ASCC3: variants seen among roughly 807,000 people sequenced by gnomAD.
The protein encoded by ASCC3 is ASC-1 complex subunit P200.
ASCC3 carries 158 observed loss-of-function variants against 256.3 expected under a neutral mutation model. The ratio of observed to expected loss-of-function variants is 0.62; its 90% CI spans 0.54 to 0.70. The LOEUF (loss-of-function observed/expected upper bound fraction) is 0.70, where lower values mean the gene tolerates loss of function less well. Ranked by LOEUF, ASCC3 falls within the 30% of genes least tolerant of loss-of-function variation. The probability of loss-of-function intolerance (pLI) is 0.00; values close to 1 mark genes in which losing one functional copy is unlikely to be tolerated. For synonymous variants in ASCC3, 948 were observed against 883.4 expected (o/e 1.07, Z -1.30); for missense variants, 2,259 against 2,626.0 (o/e 0.86, Z 3.05).
intron 12 of ASCC3, among the ~76,000 whole-genome samples, chr6:100,716,855 C>T (rs1195288838): frequency 1.3e-5 from 2 of 151,924 alleles, no homozygotes; most frequent in East Asian, 1.9e-4. Flanking sequence ...TGTGAAACAA[C>T]TGTCTTCTCT....
intron 14 of ASCC3, among the ~76,000 whole-genome samples, chr6:100,666,278 T>A (rs1452869819): frequency 6.6e-6 from 1 of 152,212 alleles, no homozygotes; most frequent in Non-Finnish European, 1.5e-5. Context: ...AGAACATTTA[T>A]AAACATTCAT....
chr6:100,529,987 ATT>A (rs67303856), intron 37 of ASCC3, among the ~76,000 whole-genome samples: 2 of 145,568 alleles, frequency 1.4e-5, no homozygotes, highest in African/African-American at 5.0e-5. Context: ...TTAAATCGTG[ATT>A]TTTTTTTTTT....
At chr6:100,763,795 C>T (rs1482704148) in intron 10 of ASCC3, among the ~76,000 whole-genome samples, 6 of 152,120 alleles carry the variant, frequency 3.9e-5, no homozygotes, top group African/African-American at 1.2e-4. Context: ...AAATGTCCCC[C>T]GCTTATTGGG....
chr6:100,551,610 A>T (rs978073484), intron 36 of ASCC3, among the ~76,000 whole-genome samples: 5 of 152,014 alleles, frequency 3.3e-5, no homozygotes, highest in Non-Finnish European at 5.9e-5. Context: ...AAAAGTGTCT[A>T]CACTGATTTT....
chr6:100,617,855 C>T (rs1307122831), intron 30 of ASCC3, among the ~76,000 whole-genome samples: 1 of 152,190 alleles, frequency 6.6e-6, no homozygotes, highest in Non-Finnish European at 1.5e-5. Context: ...CAGGGCCTGC[C>T]CTCTGTTTCT....
intron 1 of ASCC3, among the ~76,000 whole-genome samples, chr6:100,873,332 A>G (rs1055884611): frequency 1.2e-4 from 19 of 152,214 alleles, no homozygotes; most frequent in African/African-American, 4.3e-4. Context: ...GGCAAATAAA[A>G]AAGAATAAGA....
chr6:100,854,156 T>C (rs1772825177), intron 3 of ASCC3, among the ~76,000 whole-genome samples: 2 of 146,204 alleles, frequency 1.4e-5, no homozygotes, highest in South Asian at 4.3e-4. Flanking sequence ...GCCAGGTACT[T>C]TTTTTTTTTT....
chr6:100,604,716 T>C (rs957789083), intron 33 of ASCC3, among the ~76,000 whole-genome samples: 1 of 152,070 alleles, frequency 6.6e-6, no homozygotes, highest in African/African-American at 2.4e-5. Context: ...GTGCTAGGAT[T>C]ACAGGTGAGA....
chr6:100,764,461 C>T (rs1288872155), intron 10 of ASCC3, among the ~76,000 whole-genome samples: 1 of 152,044 alleles, frequency 6.6e-6, no homozygotes, highest in Admixed American at 6.6e-5. Context: ...GCAAAAATGG[C>T]CTGACTATAG....
intron 8 of ASCC3, among the ~76,000 whole-genome samples, chr6:100,780,196 C>T (rs1158098973): frequency 1.3e-5 from 2 of 152,014 alleles, no homozygotes; most frequent in Admixed American, 6.6e-5. Flanking sequence ...GTGTATGTTA[C>T]ACTTAAAGCA....
chr6:100,622,953 T>C (rs1372800370), intron 30 of ASCC3, among the ~76,000 whole-genome samples: 2 of 152,110 alleles, frequency 1.3e-5, no homozygotes, highest in African/African-American at 4.8e-5. Flanking sequence ...ACAATGTCTA[T>C]ATACTTTAAG....
rs369397234 is a variant in ASCC3 at position 100,580,577 on chromosome 6, TTTA to T, written c.5550+9054_5550+9056del. Among the ~76,000 whole-genome samples, 297 of 151,044 alleles carry T rather than the reference TTTA, an allele frequency of 2.0e-3. 10 individuals carry two copies. The East Asian group carries it at 0.045, about 23-fold the overall frequency. On this transcript the variant is annotated intron_variant, in intron 36 of 41. Coordinates refer to ENST00000369162, the MANE Select transcript of ASCC3 (RefSeq NM_006828.4). Reference sequence around the variant, plus strand: ...TTCAGAAGACCCAAAATAAAAATCTTTTATTATTATTATTATTATTATACTTTA... The same window carrying T: ...TTCAGAAGACCCAAAATAAAAATCTTTTATTATTATTATTATTATACTTTA...
intron 4 of ASCC3, among the ~76,000 whole-genome samples, chr6:100,807,855 T>A (rs1161884287): frequency 2.0e-5 from 3 of 151,916 alleles, no homozygotes; most frequent in Non-Finnish European, 4.4e-5. Context: ...TGTATAAAAG[T>A]ATTTTGTAAA....
At chr6:100,828,725 T>C (rs1257882941) in intron 4 of ASCC3, among the ~76,000 whole-genome samples, 2 of 152,102 alleles carry the variant, frequency 1.3e-5, no homozygotes, top group African/African-American at 4.8e-5. Context: ...GGAGTGAAGC[T>C]GCAGACCTTT....
At chr6:100,592,141 A>C (rs1582515649) in intron 34 of ASCC3, among the ~76,000 whole-genome samples, 1 of 120,558 alleles carries the variant, frequency 8.3e-6, no homozygotes, top group Non-Finnish European at 1.7e-5. Flanking sequence ...GTAAGTCACC[A>C]AAAAAAAAAA....
intron 36 of ASCC3, among the ~76,000 whole-genome samples, chr6:100,542,228 C>T (rs1038351132): frequency 6.6e-6 from 1 of 152,156 alleles, no homozygotes; most frequent in African/African-American, 2.4e-5. Context: ...TAATTCATCA[C>T]TACTGAATTG....
At chr6:100,723,499 T>C (rs964059320) in intron 11 of ASCC3, among the ~76,000 whole-genome samples, 9 of 151,754 alleles carry the variant, frequency 5.9e-5, no homozygotes, top group African/African-American at 2.2e-4. Context: ...TAGAATTTTA[T>C]GGTGAATTTA....
At chr6:100,820,060 A>G (rs2114418527) in intron 4 of ASCC3, among the ~76,000 whole-genome samples, 1 of 152,368 alleles carries the variant, frequency 6.6e-6, no homozygotes, top group Non-Finnish European at 1.5e-5. Flanking sequence ...TACTGCTAGG[A>G]TCATAATAAA....
chr6:100,800,944 G>A (rs916084159), intron 5 of ASCC3, among the ~76,000 whole-genome samples: 5 of 151,912 alleles, frequency 3.3e-5, no homozygotes, highest in African/African-American at 9.7e-5. Flanking sequence ...ACCTTATGCG[G>A]TTAAGTTGCA....
Sources: allele counts gnomAD v4.1 joint callset (sites outside exome capture counted in the v4.1 genomes callset), GRCh38; gene constraint gnomAD v4.1.1; transcripts MANE v1.5; gene names NCBI Gene and HGNC (gene_info 2026-07-23, HGNC 2026-07-21).